ARHGAP15: variants seen among roughly 807,000 people sequenced by gnomAD.
ARHGAP15 encodes rho GTPase-activating protein 15.
ARHGAP15 carries 51 observed loss-of-function variants against 63.7 expected under a neutral mutation model. The observed-to-expected ratio is 0.80, with a 90% confidence interval of 0.64 to 1.01. The LOEUF is 1.01. ARHGAP15 is among the 50% of genes least tolerant of loss of function. The pLI, the probability that ARHGAP15 is intolerant of heterozygous loss-of-function variation, is 0.00. For missense variants in ARHGAP15, 560 were observed against 564.6 expected (o/e 0.99, Z 0.08); for synonymous variants, 191 against 193.8 (o/e 0.99, Z 0.12).
intron 11 of ARHGAP15, among the ~76,000 whole-genome samples, chr2:143,591,688 T>G (rs188732668): frequency 3.3e-5 from 5 of 150,886 alleles, no homozygotes; most frequent in Non-Finnish European, 5.9e-5. Context: ...TGGCACGATC[T>G]CGGCTCACGC....
At chr2:143,501,695 T>C (rs1483052736) in intron 9 of ARHGAP15, among the ~76,000 whole-genome samples, 3 of 152,170 alleles carry the variant, frequency 2.0e-5, no homozygotes, top group Non-Finnish European at 2.9e-5. Context: ...AAAAATAACA[T>C]TGGTTAGAAA....
At chr2:143,616,491 G>A (rs1489812661) in intron 11 of ARHGAP15, among the ~76,000 whole-genome samples, 1 of 152,152 alleles carries the variant, frequency 6.6e-6, no homozygotes, top group Non-Finnish European at 1.5e-5. Flanking sequence ...AATTTCCAAA[G>A]ATATGCACAA....
intron 8 of ARHGAP15, among the ~76,000 whole-genome samples, chr2:143,486,070 T>C (rs1692310811): frequency 6.6e-6 from 1 of 152,134 alleles, no homozygotes; most frequent in Non-Finnish European, 1.5e-5. Context: ...ATGCAAAAAT[T>C]CCCTTTCTTT....
chr2:143,493,814 T>C (rs571832231), intron 9 of ARHGAP15, among the ~76,000 whole-genome samples: 52 of 152,332 alleles, frequency 3.4e-4, no homozygotes, highest in African/African-American at 4.8e-5. Context: ...ACAGTTTCCA[T>C]GAACCCATTT....
intron 6 of ARHGAP15, among the ~76,000 whole-genome samples, chr2:143,343,557 CTG>C (rs1227358229): frequency 1.3e-5 from 2 of 152,118 alleles, no homozygotes; most frequent in Admixed American, 6.6e-5. Context: ...TGAAAGATCA[CTG>C]TGTTGGCAGT....
chr2:143,327,583 C>T (rs934075354), intron 6 of ARHGAP15, among the ~76,000 whole-genome samples: 9 of 151,784 alleles, frequency 5.9e-5, no homozygotes, highest in Admixed American at 5.3e-4. Flanking sequence ...AGGACCCCTT[C>T]CCTACACCTT....
At chr2:143,265,493 T>C (rs1680944494) in intron 6 of ARHGAP15, among the ~76,000 whole-genome samples, 1 of 152,134 alleles carries the variant, frequency 6.6e-6, no homozygotes, top group African/African-American at 2.4e-5. Flanking sequence ...TTATTGCAAA[T>C]GGTATTTTGC....
At chr2:143,534,100 C>T (rs754686114) in intron 10 of ARHGAP15, among the ~76,000 whole-genome samples, 2 of 152,172 alleles carry the variant, frequency 1.3e-5, no homozygotes, top group African/African-American at 2.4e-5. Flanking sequence ...ACATGTCAAT[C>T]GAGAGACGAG....
At chr2:143,755,377 G>A (rs1022657648) in intron 13 of ARHGAP15, among the ~76,000 whole-genome samples, 5 of 151,900 alleles carry the variant, frequency 3.3e-5, no homozygotes, top group Admixed American at 3.3e-4. Flanking sequence ...TAAATTTTCT[G>A]CAGTACATGT....
At chr2:143,201,779 T>G (rs1692129467) in intron 2 of ARHGAP15, among the ~76,000 whole-genome samples, 1 of 152,078 alleles carries the variant, frequency 6.6e-6, no homozygotes, top group South Asian at 2.1e-4. Flanking sequence ...ATGTATGACA[T>G]TTTTGTGTTC....
At chr2:143,717,699 T>G (rs1204986438) in intron 13 of ARHGAP15, among the ~76,000 whole-genome samples, 3 of 152,178 alleles carry the variant, frequency 2.0e-5, no homozygotes, top group Non-Finnish European at 4.4e-5. Context: ...TGTGTATTAT[T>G]TAGTTAAATC....
At chr2:143,382,057 C>T (rs1468005284) in intron 6 of ARHGAP15, among the ~76,000 whole-genome samples, 2 of 149,348 alleles carry the variant, frequency 1.3e-5, no homozygotes, top group Non-Finnish European at 3.0e-5. Context: ...TCCTTTCTTG[C>T]TTCTTTCCTT....
chr2:143,315,618 A>G (rs1683666839), intron 6 of ARHGAP15, among the ~76,000 whole-genome samples: 1 of 152,162 alleles, frequency 6.6e-6, no homozygotes, highest in South Asian at 2.1e-4. Flanking sequence ...CATAGTTTCT[A>G]CTAGCCAGAA....
intron 12 of ARHGAP15, among the ~76,000 whole-genome samples, chr2:143,629,588 C>T (rs1031658380): frequency 6.6e-6 from 1 of 152,110 alleles, no homozygotes; most frequent in Non-Finnish European, 1.5e-5. Flanking sequence ...TACCACTGTT[C>T]CCATCTTTTT....
At chr2:143,751,864 G>A (rs149891960) in intron 13 of ARHGAP15, among the ~76,000 whole-genome samples, 3 of 152,242 alleles carry the variant, frequency 2.0e-5, no homozygotes, top group African/African-American at 7.2e-5. Flanking sequence ...TCCGCCCTTT[G>A]ATCACAGTTA....
chr2:143,602,281 A>G (rs1210177078), intron 11 of ARHGAP15, among the ~76,000 whole-genome samples: 3 of 152,202 alleles, frequency 2.0e-5, no homozygotes, highest in Non-Finnish European at 4.4e-5. Flanking sequence ...GAGTGAAGCA[A>G]TTGACAAATA....
chr2:143,234,642 A>G (rs1693571154), intron 5 of ARHGAP15, among the ~76,000 whole-genome samples: 2 of 152,314 alleles, frequency 1.3e-5, no homozygotes, highest in Non-Finnish European at 2.9e-5. Context: ...TACATTGCTC[A>G]TCTACCAAAA....
chr2:143,411,757 AAATC>A (rs1459015731), intron 6 of ARHGAP15, among the ~76,000 whole-genome samples: 1 of 152,234 alleles, frequency 6.6e-6, no homozygotes, highest in African/African-American at 2.4e-5. Flanking sequence ...AAAAGTCAAT[AAATC>A]AAATAAGCAA....
chr2:143,298,947 C>T (rs928024803), intron 6 of ARHGAP15, among the ~76,000 whole-genome samples: 15 of 151,824 alleles, frequency 9.9e-5, no homozygotes, highest in African/African-American at 2.9e-4. Flanking sequence ...CTCAGGGTCA[C>T]GTAATGCATG....
Sources: gnomAD v4.1 joint callset for allele counts (sites outside exome capture counted in the v4.1 genomes callset) on GRCh38, gnomAD v4.1.1 for gene constraint, MANE v1.5 for transcripts, NCBI Gene and HGNC (gene_info 2026-07-23, HGNC 2026-07-21) for gene names.